Variants in MIDEAS observed in about 807,000 individuals in gnomAD.
MIDEAS encodes the protein mitotic deacetylase-associated SANT domain protein.
In MIDEAS, 26 loss-of-function variants were observed where a neutral mutation model predicts 102.7. The ratio of observed to expected loss-of-function variants is 0.25; its 90% CI spans 0.19 to 0.35. The LOEUF is 0.35. Ranked by LOEUF, MIDEAS falls within the 10% of genes least tolerant of loss-of-function variation. MIDEAS has a pLI of 1.00. For missense variants in MIDEAS, 1,231 were observed against 1,435.6 expected (o/e 0.86, Z 2.30); for synonymous variants, 585 against 591.0 (o/e 0.99, Z 0.15).
intron 1 of MIDEAS, chr14:73,754,839 T>C (rs746492209): frequency 6.6e-6 from 1 of 152,176 alleles, no homozygotes; most frequent in African/African-American, 2.4e-5. Flanking sequence ...CTGGCAACGG[T>C]AAGTTGGATA....
intron 1 of MIDEAS, among the ~76,000 whole-genome samples, chr14:73,754,582 T>A (rs558643803): frequency 6.6e-4 from 100 of 152,244 alleles, no homozygotes; most frequent in South Asian, 1.5e-3. Flanking sequence ...ACCTCAAGCA[T>A]CTCACCACCT....
chr14:73,758,902 G>A (rs764234990), intron 1 of MIDEAS: 1 of 153,902 alleles, frequency 6.5e-6, no homozygotes, highest in Non-Finnish European at 1.5e-5. Context: ...GGGGCAACCT[G>A]ACACACATGG....
At chr14:73,764,347 A>AC (rs1387439973), upstream of MIDEAS, among the ~76,000 whole-genome samples, 62 of 132,776 alleles carry the variant, frequency 4.7e-4, 1 homozygote, top group African/African-American at 1.6e-3. Context: ...CTCAAAAAAA[A>AC]AAAAAAAAAA....
In MIDEAS at chr14:73,777,001, C is replaced by T. The variant is rs2053695928; in HGVS notation, c.-248+10101G>A. Among the ~76,000 whole-genome samples the T allele has an allele frequency of 1.3e-5, 2 of 151,642 alleles. 1 individual carries two copies. On this transcript the variant is annotated intron_variant, in intron 1 of 11. Transcript: ENST00000394071. Reference sequence around the variant, plus strand: ...CACAGAATAGTTTGAACCCGGGAGGCGGAGGTTGCAGTGAGCCGAGATCAC... The same window carrying T: ...CACAGAATAGTTTGAACCCGGGAGGTGGAGGTTGCAGTGAGCCGAGATCAC...
chr14:73,729,152 G>A lies in MIDEAS; in HGVS notation c.2095+488C>T, dbSNP rs115553349. 766 of 154,262 alleles carry A rather than the reference G, an allele frequency of 5.0e-3. 5 individuals carry two copies. The highest frequency in any genetic ancestry group is 0.018 in the African/African-American group (739 of 41,552). The allele number at this position is 154,262 out of a possible 1,614,324, so 9.6% of individuals were successfully genotyped here. On this transcript the variant is annotated intron_variant, in intron 4 of 12. Transcript: ENST00000423556. ...CTGCTTTTGGCCAAAAAGACTGTTC[G>A]AGAGCCCCAGAGACTAGATCTGCCA...
In MIDEAS at chr14:73,774,573, C is replaced by A. The variant is rs1327554059; in HGVS notation, c.-248+12529G>T. 2.0e-5 allele frequency among the ~76,000 whole-genome samples: 3 copies of A among 151,866 alleles called. No individual in the cohort carries two copies. In the East Asian group the frequency reaches 5.8e-4, roughly 30 times the overall value. On this transcript the variant is annotated intron_variant, in intron 1 of 11. Coordinates refer to the MIDEAS transcript ENST00000394071. ...CAAGGAGGGCCAGTAGGAAGAGATGCTTCTGCCACCTCTAAACCAGCTCCT... is the reference window on the plus strand; with the variant it reads ...CAAGGAGGGCCAGTAGGAAGAGATGATTCTGCCACCTCTAAACCAGCTCCT...
intron 1 of MIDEAS, among the ~76,000 whole-genome samples, chr14:73,770,368 T>C (rs967402719): frequency 6.6e-6 from 1 of 151,912 alleles, no homozygotes; most frequent in African/African-American, 2.4e-5. Flanking sequence ...ATGACGATGA[T>C]GATGATGATG....
At chr14:73,728,044 T>TTGTTGTTGC (rs2053088054) in intron 4 of MIDEAS, 1 of 152,476 alleles carries the variant, frequency 6.6e-6, no homozygotes, top group African/African-American at 2.4e-5. Flanking sequence ...TTTGTTGTTG[T>TTGTTGTTGC]TGTTGTTGCT....
At chr14:73,722,597 C>G (rs2053009900) in intron 10 of MIDEAS, 101 bp downstream of exon 10, 3 of 1,422,562 alleles carry the variant, frequency 2.1e-6, no homozygotes, top group Non-Finnish European at 2.9e-6. Context: ...CTCAACCTGC[C>G]CTCTGCAGGC....
At chr14:73,756,851 C>T (rs1043579256) in intron 1 of MIDEAS, among the ~76,000 whole-genome samples, 7 of 152,310 alleles carry the variant, frequency 4.6e-5, no homozygotes, top group Non-Finnish European at 7.4e-5. Context: ...GAATCACCCA[C>T]GGTGGACTGA....
At chr14:73,746,145 C>T (rs1180115208) in intron 1 of MIDEAS, among the ~76,000 whole-genome samples, 1 of 152,224 alleles carries the variant, frequency 6.6e-6, no homozygotes, top group East Asian at 1.9e-4. Flanking sequence ...ATGAGGCACT[C>T]TCAGGGCTCC....
At chr14:73,784,589 G>A (rs1029715288) in intron 1 of MIDEAS, among the ~76,000 whole-genome samples, 4 of 152,322 alleles carry the variant, frequency 2.6e-5, no homozygotes, top group Middle Eastern at 3.4e-3. Flanking sequence ...TTTGGGATCA[G>A]AAGGGAACGA....
At chr14:73,756,295 T>TGTGTGTGTGTATGTGTGCGCGCGC (rs55692592) in intron 1 of MIDEAS, among the ~76,000 whole-genome samples, 2 of 127,626 alleles carry the variant, frequency 1.6e-5, no homozygotes, top group African/African-American at 5.4e-5. Context: ...TGTGTGTGTG[T>TGTGTGTGTGTATGTGTGCGCGCGC]GCGCGCGCGC....
chr14:73,744,350 T>C (rs973307553), intron 1 of MIDEAS, among the ~76,000 whole-genome samples: 4 of 152,102 alleles, frequency 2.6e-5, no homozygotes, highest in Admixed American at 6.5e-5. Flanking sequence ...AGTGTGTCCA[T>C]TTGAGAAAAA....
At chr14:73,768,530 T>C (rs1004821759) in intron 1 of MIDEAS, among the ~76,000 whole-genome samples, 1 of 109,100 alleles carries the variant, frequency 9.2e-6, no homozygotes, top group Non-Finnish European at 1.9e-5. Context: ...TTTTTTTTTT[T>C]TTTGAGACAC....
At chr14:73,768,687 T>C (rs190338247) in intron 1 of MIDEAS, among the ~76,000 whole-genome samples, 2 of 152,302 alleles carry the variant, frequency 1.3e-5, no homozygotes, top group African/African-American at 4.8e-5. Context: ...GGTTTCACCA[T>C]GTTGGCCAGG....
chr14:73,772,909 G>A (rs1375904713), intron 1 of MIDEAS, among the ~76,000 whole-genome samples: 2 of 150,626 alleles, frequency 1.3e-5, no homozygotes, highest in African/African-American at 4.9e-5. Context: ...GTGCCATCTC[G>A]GCTCACTGCA....
chr14:73,772,794 AGTGTGTGTGTGTGTGTGTGTGTGT>A (rs61402555), intron 1 of MIDEAS, among the ~76,000 whole-genome samples: 7 of 135,628 alleles, frequency 5.2e-5, no homozygotes, highest in African/African-American at 2.0e-4. Context: ...TTCAAGTTCT[AGTGTGTGTGTGTGTGTGTGTGTGT>A]GTGTGTGTGT....
chr14:73,719,162 T>C (rs2052944738), intron 12 of MIDEAS, 143 bp downstream of exon 12: 3 of 1,476,904 alleles, frequency 2.0e-6, no homozygotes, highest in Non-Finnish European at 2.7e-6. Context: ...CCCCATGACG[T>C]CACAGCCCTA....
Sources: gnomAD v4.1 joint callset for allele counts (sites outside exome capture counted in the v4.1 genomes callset) on GRCh38, gnomAD v4.1.1 for gene constraint, MANE v1.5 for transcripts, NCBI Gene and HGNC (gene_info 2026-07-23, HGNC 2026-07-21) for gene names.